Variants in UTP20 observed in about 807,000 individuals in gnomAD.
The protein encoded by UTP20 is UTP20 small subunit processome component, also known as small subunit processome component 20 homolog.
UTP20 carries 164 observed loss-of-function variants against 329.5 expected under a neutral mutation model. That is an observed-to-expected ratio of 0.50 (90% CI 0.44 to 0.57). The LOEUF (loss-of-function observed/expected upper bound fraction) is 0.57, where lower values mean the gene tolerates loss of function less well. Among genes scored for constraint, UTP20 ranks in the 20% least tolerant of loss-of-function variants. The pLI is 0.00. For synonymous variants in UTP20, 1,151 were observed against 1,159.3 expected (o/e 0.99, Z 0.14); for missense variants, 3,055 against 3,284.2 (o/e 0.93, Z 1.71).
intron 17 of UTP20, among the ~76,000 whole-genome samples, chr12:101,307,981 C>T (rs1872684179): frequency 6.6e-6 from 1 of 151,904 alleles, no homozygotes; most frequent in Non-Finnish European, 1.5e-5. Context: ...GTCATTTATG[C>T]ACTAGACACT....
In UTP20 at chr12:101,385,670, C is replaced by T; in HGVS notation, c.8144C>T (p.Ser2715Phe). 1.2e-6 allele frequency: 2 copies of T among 1,613,776 alleles called. No homozygotes were observed. Residue 2715 changes from serine (S) to phenylalanine (F), a missense_variant, in exon 61 of 62, where the codon TCT becomes TTT. By Grantham distance (155) the Ser-to-Phe change is radical. Transcript: ENST00000261637. ...GLESFSLAFA[S>F]VQKQANEKRA... ...GAGAGCTTCTCATTAGCCTTTGCCT[C>T]TGTACAGAAACAGGCTAATGAGAAA... is the stretch of plus-strand genomic sequence containing the variant.
At chr12:101,384,940 G>C (rs987492388) in intron 60 of UTP20, among the ~76,000 whole-genome samples, 1 of 152,098 alleles carries the variant, frequency 6.6e-6, no homozygotes, top group African/African-American at 2.4e-5. Context: ...TCAACAGCAG[G>C]AAAGTTTTCA....
intron 21 of UTP20, among the ~76,000 whole-genome samples, chr12:101,315,588 G>A (rs2137255882): frequency 6.6e-6 from 1 of 152,192 alleles, no homozygotes; most frequent in South Asian, 2.1e-4. Flanking sequence ...CAAGGCACAA[G>A]CAAAGATATA....
intron 29 of UTP20, among the ~76,000 whole-genome samples, chr12:101,337,433 G>A (rs75651803): frequency 0.083 from 12,628 of 152,250 alleles, 684 homozygotes; most frequent in Middle Eastern, 0.14. Context: ...ACCCTTGGCT[G>A]GAAAGCCTTT....
Position 101,338,194 on chromosome 12 carries a change from T to G in UTP20, c.3785T>G (p.Leu1262Arg). The G allele has an allele frequency of 6.2e-7, 1 of 1,614,162 alleles. No individual in the cohort carries two copies. The highest frequency in any genetic ancestry group is 8.5e-7 in the Non-Finnish European group (1 of 1,180,016). ...VMDIVDDLLN[L>R]PDFEPTETVL... Reference sequence around the variant, plus strand: ...GACATAGTTGATGACCTTCTTAACCTTCCAGATTTCGAGCCTACAGAAACA... The same window carrying G: ...GACATAGTTGATGACCTTCTTAACCGTCCAGATTTCGAGCCTACAGAAACA... Residue 1262 changes from leucine (L) to arginine (R), a missense_variant, in exon 30 of 62, where the codon CTT becomes CGT. By Grantham distance (102) the Leu-to-Arg change is moderately radical. Around this residue, in one of 3 missense-constraint regions of UTP20, gnomAD observed 2,445 missense variants for 2,575.5 expected, o/e 0.95. Coordinates refer to ENST00000261637, the MANE Select transcript of UTP20 (RefSeq NM_014503.3).
At chr12:101,327,727 G>A (rs1868615226) in intron 26 of UTP20, among the ~76,000 whole-genome samples, 1 of 152,190 alleles carries the variant, frequency 6.6e-6, no homozygotes, top group Non-Finnish European at 1.5e-5. Context: ...CCTGATAGTT[G>A]AGATGAAATG....
At chr12:101,335,226 C>T (rs116153884) in intron 29 of UTP20, among the ~76,000 whole-genome samples, 3,256 of 151,190 alleles carry the variant, frequency 0.022, 126 homozygotes, top group African/African-American at 0.077. Context: ...GGTAAAATAA[C>T]ATCTTGCAAA....
At position 101,370,423 on chromosome 12, in the gene UTP20, A is replaced by T. The variant is rs772930356; in HGVS notation, c.6556-9A>T. 6.2e-7 allele frequency: 1 copy of T among 1,611,684 alleles called. No individual in the cohort carries two copies. The highest frequency in any genetic ancestry group is 2.2e-5 in the East Asian group (1 of 44,852). On this transcript the variant is annotated splice_polypyrimidine_tract_variant and intron_variant, in intron 49 of 61. Coordinates refer to ENST00000261637, the MANE Select transcript of UTP20 (RefSeq NM_014503.3). ...TGCTGGCTGTTAACATCACTATTGT[A>T]ACTTGCAGTGTGTGACCATACTTGT...
chr12:101,331,952 C>G (rs1415993129), intron 27 of UTP20, among the ~76,000 whole-genome samples: 1 of 151,546 alleles, frequency 6.6e-6, no homozygotes, highest in Non-Finnish European at 1.5e-5. Flanking sequence ...CTTTCCTCTG[C>G]TTGGCCTAAA....
chr12:101,342,419 T>C (rs763138988), intron 32 of UTP20, 27 bp from the exon 33 acceptor site: 2 of 1,571,896 alleles, frequency 1.3e-6, no homozygotes, highest in Admixed American at 4.0e-5. Context: ...TACTGAAATA[T>C]GATTTCTCTG....
chr12:101,298,644 A>C (rs1872434262), intron 12 of UTP20, among the ~76,000 whole-genome samples: 2 of 152,230 alleles, frequency 1.3e-5, no homozygotes, highest in South Asian at 4.1e-4. Flanking sequence ...CGTGGCAACT[A>C]ATGACTCATT....
At chr12:101,348,252 T>C (rs1014243899) in intron 38 of UTP20, among the ~76,000 whole-genome samples, 18 of 152,252 alleles carry the variant, frequency 1.2e-4, no homozygotes, top group Non-Finnish European at 5.9e-5. Context: ...TTTTAACTGG[T>C]ATGTAGACCA....
chr12:101,290,014 TC>T, intron 6 of UTP20, 122 bp from the exon 7 acceptor site: 1 of 752,878 alleles, frequency 1.3e-6, no homozygotes. Context: ...AAATGTCTGT[TC>T]TTTTCACAAT....
intron 2 of UTP20, among the ~76,000 whole-genome samples, chr12:101,284,665 AATTT>A (rs1871903274): frequency 6.6e-6 from 1 of 152,064 alleles, no homozygotes; most frequent in Non-Finnish European, 1.5e-5. Flanking sequence ...CATGTATGAT[AATTT>A]ATTGGCTTTA....
chr12:101,344,819 A>T, intron 36 of UTP20, 69 bp downstream of exon 36: 1 of 1,420,626 alleles, frequency 7.0e-7, no homozygotes, highest in East Asian at 2.3e-5. Context: ...CACGTTTGCT[A>T]CTGTTGTATA....
At chr12:101,373,865 T>C (rs1164498264) in intron 54 of UTP20, 98 bp downstream of exon 54, 1 of 1,337,882 alleles carries the variant, frequency 7.5e-7, no homozygotes, top group Non-Finnish European at 1.0e-6. Flanking sequence ...AATTGGTTTT[T>C]TTCCCAAATA....
intron 52 of UTP20, 107 bp from the exon 53 acceptor site, chr12:101,373,294 T>A (rs193104469): frequency 8.9e-7 from 1 of 1,120,224 alleles, no homozygotes; most frequent in Non-Finnish European, 1.3e-6. Context: ...GCATTTTCCA[T>A]TTTTTTAAGA....
At chr12:101,368,498 A>G (rs7303958) in intron 48 of UTP20, among the ~76,000 whole-genome samples, 33,362 of 151,952 alleles carry the variant, frequency 0.22, 8,317 homozygotes, top group African/African-American at 0.58. Flanking sequence ...ACATTAAATC[A>G]CTTCTCAATT....
chr12:101,306,015 A>G lies in UTP20; in HGVS notation c.1882A>G (p.Met628Val). 3.1e-6 allele frequency: 5 copies of G among 1,613,864 alleles called. No homozygotes were observed. Among genetic ancestry groups the G allele is most frequent in the Non-Finnish European group, 4.2e-6 (5 of 1,179,864 alleles). Residue 628 changes from methionine (M) to valine (V), a missense_variant, in exon 16 of 62, where the codon ATG becomes GTG. By Grantham distance (21) the Met-to-Val change is conservative. Coordinates refer to ENST00000261637, the MANE Select transcript of UTP20 (RefSeq NM_014503.3). ...AGGGCCACTTTCCCAGGAGGCTTTA[A>G]TGGAATTATTTCCCAAGTTACAAGC... ...CKGPLSQEAL[M>V]ELFPKLQANI...
Sources: gnomAD v4.1 joint callset for allele counts (sites outside exome capture counted in the v4.1 genomes callset) on GRCh38, gnomAD v4.1.1 for gene constraint, gnomAD v4.1.1 regional missense constraint, MANE v1.5 for transcripts, NCBI Gene and HGNC (gene_info 2026-07-23, HGNC 2026-07-21) for gene names.